TBC1D8: variants seen among roughly 807,000 people sequenced by gnomAD.
TBC1D8 encodes the protein TBC1 domain family member 8, also known as BUB2-like protein 1.
In TBC1D8, 65 loss-of-function variants were observed where a neutral mutation model predicts 118.8. That is an observed-to-expected ratio of 0.55 (90% CI 0.45 to 0.67). The LOEUF (loss-of-function observed/expected upper bound fraction) is 0.67. Among genes scored for constraint, TBC1D8 ranks in the 30% least tolerant of loss-of-function variants. TBC1D8 has a pLI of 0.00. For synonymous variants in TBC1D8, 566 were observed against 595.8 expected (o/e 0.95, Z 0.73); for missense variants, 1,376 against 1,471.2 (o/e 0.94, Z 1.06).
chr2:101,096,433 A>AAC (rs1676435929), intron 1 of TBC1D8, among the ~76,000 whole-genome samples: 1 of 150,212 alleles, frequency 6.7e-6, no homozygotes, highest in East Asian at 1.9e-4. Context: ...AAAAAAAAAA[A>AAC]AAAAAAAAAA....
At chr2:101,049,409 TCTACAAA>T (rs552694468) in intron 5 of TBC1D8, among the ~76,000 whole-genome samples, 42 of 152,188 alleles carry the variant, frequency 2.8e-4, no homozygotes, top group Non-Finnish European at 5.7e-4. Flanking sequence ...GAAAATGTTT[TCTACAAA>T]CTAATTTCCT....
chr2:101,123,342 G>A (rs546199061), intron 1 of TBC1D8, among the ~76,000 whole-genome samples: 11 of 152,196 alleles, frequency 7.2e-5, no homozygotes, highest in Admixed American at 5.2e-4. Flanking sequence ...TCTCTTGCCC[G>A]ATTGCTCTGG....
chr2:101,076,175 T>C (rs1264739599), intron 2 of TBC1D8, among the ~76,000 whole-genome samples: 1 of 152,220 alleles, frequency 6.6e-6, no homozygotes, highest in Non-Finnish European at 1.5e-5. Flanking sequence ...GGTGACCAAA[T>C]AGCACTAGTT....
At position 101,007,750 on chromosome 2, in the gene TBC1D8, T is replaced by G. The variant is rs915202504; in HGVS notation, c.*71A>C. On this transcript the variant is annotated 3_prime_UTR_variant, in exon 20 of 20. Coordinates refer to ENST00000409318, the MANE Select transcript of TBC1D8 (RefSeq NM_001330348.2). ...GTAGACTGAAATCTCGGTTTAGGGC[T>G]GACCCCAAGAAACAGTCTGGTTCGT... 5 of 1,493,566 alleles carry G rather than the reference T, an allele frequency of 3.3e-6. No individual in the cohort carries two copies. In the African/African-American group the frequency reaches 5.5e-5, roughly 17 times the overall value. The allele number at this position is 1,493,566 out of a possible 1,614,324, so 92.5% of individuals were successfully genotyped here.
chr2:101,099,126 AAAG>A (rs1024328758), intron 1 of TBC1D8, among the ~76,000 whole-genome samples: 15 of 152,172 alleles, frequency 9.9e-5, no homozygotes, highest in Admixed American at 7.2e-4. Flanking sequence ...CTAGACTAAT[AAAG>A]AAGAGAGAGA....
intron 1 of TBC1D8, among the ~76,000 whole-genome samples, chr2:101,125,009 G>A (rs1678291941): frequency 1.3e-5 from 2 of 152,288 alleles, no homozygotes; most frequent in African/African-American, 2.4e-5. Flanking sequence ...ACCAAGGTTC[G>A]TGACATTTGT....
At chr2:101,127,544 A>C (rs953560345) in intron 1 of TBC1D8, among the ~76,000 whole-genome samples, 1 of 152,090 alleles carries the variant, frequency 6.6e-6, no homozygotes, top group African/African-American at 2.4e-5. Flanking sequence ...CCACAAACCT[A>C]ACACTTTTTT....
intron 19 of TBC1D8, among the ~76,000 whole-genome samples, chr2:101,009,824 T>A (rs1186978084): frequency 7.2e-6 from 1 of 139,812 alleles, no homozygotes; most frequent in East Asian, 2.0e-4. Flanking sequence ...AAAGGAGCTT[T>A]TTCTTTTTTT....
chr2:101,134,671 G>A (rs1678760618), intron 1 of TBC1D8, among the ~76,000 whole-genome samples: 1 of 152,164 alleles, frequency 6.6e-6, no homozygotes, highest in Non-Finnish European at 1.5e-5. Flanking sequence ...TAGGATCAGG[G>A]CCCTGCCCTT....
intron 17 of TBC1D8, among the ~76,000 whole-genome samples, chr2:101,012,910 CACATGTA>C (rs1679336237): frequency 6.6e-6 from 1 of 152,144 alleles, no homozygotes; most frequent in Non-Finnish European, 1.5e-5. Context: ...TGTGCAGTGG[CACATGTA>C]AGAATCCACT....
chr2:101,080,391 G>A lies in TBC1D8; in HGVS notation c.283+9818C>T, dbSNP rs111566709. Among the ~76,000 whole-genome samples, 1,486 of 152,042 alleles carry A rather than the reference G, an allele frequency of 9.8e-3. 28 individuals are homozygous for A. Among genetic ancestry groups the A allele is most frequent in the African/African-American group, 0.034 (1,401 of 41,468 alleles). ...AAAAGATGGGGTTGGCACTTCCTTC[G>A]CTACCCTGGTACAAAGTTCACAGAG... On this transcript the variant is annotated intron_variant, in intron 2 of 19. Transcript: ENST00000409318.
intron 2 of TBC1D8, among the ~76,000 whole-genome samples, chr2:101,084,172 T>C (rs1306006158): frequency 2.0e-5 from 3 of 152,184 alleles, no homozygotes; most frequent in Non-Finnish European, 4.4e-5. Context: ...TCAGGACTCC[T>C]GCACTGCTGG....
chr2:101,015,711 G>C (rs1178130678), intron 17 of TBC1D8, among the ~76,000 whole-genome samples: 1 of 152,168 alleles, frequency 6.6e-6, no homozygotes, highest in East Asian at 1.9e-4. Context: ...CATGGTACTG[G>C]TACCAAAACA....
chr2:101,110,124 T>C (rs1677502823), intron 1 of TBC1D8: 1 of 591,686 alleles, frequency 1.7e-6, no homozygotes, highest in Non-Finnish European at 2.1e-6. Flanking sequence ...AATAGAGGCC[T>C]ACTAATAATT....
chr2:101,022,326 T>G lies in TBC1D8; in HGVS notation c.2716A>C (p.Asn906His), dbSNP rs769157519. The change falls in exon 16 of 20, where the codon AAC becomes CAC. Residue 906 changes from asparagine (N) to histidine (H), a missense_variant. Transcript: ENST00000409318. ...AERTFRLLDD[N>H]MDQLIEFKAF... is the part of the protein sequence containing the mutation. ...TTGAACTCGATGAGCTGGTCCATGT[T>G]GTCATCCAAGAGCCTGAACGTCCTT... The G allele has an allele frequency of 6.2e-7, 1 of 1,612,882 alleles. No homozygotes were observed. The highest frequency in any genetic ancestry group is 8.5e-7 in the Non-Finnish European group (1 of 1,179,626).
intron 1 of TBC1D8, among the ~76,000 whole-genome samples, chr2:101,099,239 C>A (rs1035586418): frequency 6.6e-6 from 1 of 152,126 alleles, no homozygotes; most frequent in African/African-American, 2.4e-5. Context: ...TAGTTCCACA[C>A]AAATAAACTA....
intron 1 of TBC1D8, among the ~76,000 whole-genome samples, chr2:101,138,865 T>C (rs1034123930): frequency 6.6e-6 from 1 of 152,056 alleles, no homozygotes; most frequent in Non-Finnish European, 1.5e-5. Flanking sequence ...TCCCAGAGAA[T>C]GGAGGTGGGG....
At chr2:101,145,274 T>C (rs921590448) in intron 1 of TBC1D8, among the ~76,000 whole-genome samples, 11 of 152,220 alleles carry the variant, frequency 7.2e-5, no homozygotes, top group Admixed American at 3.9e-4. Flanking sequence ...ATTAATAGAT[T>C]ATCAGCCCCT....
chr2:101,032,930 G>A lies in TBC1D8; in HGVS notation c.1819-545C>T, dbSNP rs181584811. ...CCTCCACTCATGTGTCCTAAAGGAAGGGGATTGGCCCTGATCATCATCTTC... is the reference window on the plus strand; with the variant it reads ...CCTCCACTCATGTGTCCTAAAGGAAAGGGATTGGCCCTGATCATCATCTTC... On this transcript the variant is annotated intron_variant, in intron 10 of 19. Coordinates refer to ENST00000409318, the MANE Select transcript of TBC1D8 (RefSeq NM_001330348.2). The A allele has an allele frequency of 2.6e-3, 457 of 177,428 alleles. 3 individuals carry two copies. Among genetic ancestry groups the A allele is most frequent in the Non-Finnish European group, 3.9e-3 (316 of 81,466 alleles). The allele number at this position is 177,428 out of a possible 1,614,324, so 11.0% of individuals were successfully genotyped here. A position where few individuals can be genotyped will look rare whatever the true frequency, so the allele number is the denominator to read the frequency against.
Sources: gnomAD v4.1 joint callset for allele counts (sites outside exome capture counted in the v4.1 genomes callset) on GRCh38, gnomAD v4.1.1 for gene constraint, MANE v1.5 for transcripts, NCBI Gene and HGNC (gene_info 2026-07-23, HGNC 2026-07-21) for gene names.